Variants in NF1 observed in about 807,000 individuals in gnomAD.
NF1 encodes neurofibromin.
A neutral mutation model predicts 325.7 loss-of-function variants in NF1; 122 were observed. That is an observed-to-expected ratio of 0.37 (90% CI 0.32 to 0.44). The LOEUF (loss-of-function observed/expected upper bound fraction) is 0.44. NF1 is among the 20% of genes least tolerant of loss of function. The probability of loss-of-function intolerance (pLI) is 1.00; values close to 1 mark genes in which losing one functional copy is unlikely to be tolerated. For missense variants in NF1, 2,140 were observed against 3,415.4 expected (o/e 0.63, Z 9.31); for synonymous variants, 1,091 against 1,186.0 (o/e 0.92, Z 1.65).
At chr17:31,269,834 C>G (rs1041409260) in intron 36 of NF1, among the ~76,000 whole-genome samples, 3 of 152,156 alleles carry the variant, frequency 2.0e-5, no homozygotes, top group African/African-American at 7.2e-5. Context: ...ACATGCCATT[C>G]CTAAGGCAGT....
chr17:31,208,619 G>A (rs563390612), intron 12 of NF1, among the ~76,000 whole-genome samples: 6 of 152,244 alleles, frequency 3.9e-5, no homozygotes, highest in African/African-American at 1.2e-4. Context: ...CACCGGACAC[G>A]GTGGCTAACG....
rs1178560430 is a variant in NF1, at chr17:31,226,644, A to G, written c.2211A>G (p.Thr737=). The change falls in exon 18 of 58, where the codon ACA becomes ACG. Residue 737 remains threonine, a synonymous_variant. Coordinates refer to ENST00000358273, the MANE Select transcript of NF1 (RefSeq NM_001042492.3). The part of the protein sequence containing the change: ...SVHNLLPNYN[T]FMEFASVSNM... ...ATAACCTCTTGCCCAACTATAACACATTCATGGAGTTTGCCTCTGTCAGCA... is the reference window on the plus strand; with the variant it reads ...ATAACCTCTTGCCCAACTATAACACGTTCATGGAGTTTGCCTCTGTCAGCA... 1.9e-6 allele frequency: 3 copies of G among 1,613,708 alleles called. No individual in the cohort carries two copies. Among genetic ancestry groups the G allele is most frequent in the Non-Finnish European group, 2.5e-6 (3 of 1,179,776 alleles).
At chr17:31,276,623 T>G (rs1387943305) in intron 36 of NF1, among the ~76,000 whole-genome samples, 1 of 152,208 alleles carries the variant, frequency 6.6e-6, no homozygotes, top group South Asian at 2.1e-4. Flanking sequence ...GTGTGGATAT[T>G]AATGTTGCGC....
chr17:31,258,192 A>G, intron 31 of NF1, 152 bp from the exon 32 acceptor site: 1 of 755,436 alleles, frequency 1.3e-6, no homozygotes, highest in Non-Finnish European at 2.2e-6. Context: ...TTATTTTCTC[A>G]TGTTTTGGGA....
In NF1 at chr17:31,254,665, TTTTCTAGCC is replaced by T. The variant is rs142633975; in HGVS notation, c.4173+1672_4173+1680del. On this transcript the variant is annotated intron_variant, in intron 31 of 57. Transcript: ENST00000358273. ...GCTTTCTGTGTTTCTCTAGAGCATG[TTTTCTAGCC>T]TTTCTAACACTGCTTTATTTATTAA... Among the ~76,000 whole-genome samples the T allele has an allele frequency of 7.8e-3, 1,194 of 152,312 alleles. 20 individuals are homozygous for T. Among genetic ancestry groups the T allele is most frequent in the African/African-American group, 0.027 (1,143 of 41,576 alleles).
intron 35 of NF1, among the ~76,000 whole-genome samples, chr17:31,263,671 C>G (rs1276930234): frequency 1.3e-5 from 2 of 151,280 alleles, no homozygotes; most frequent in Non-Finnish European, 2.9e-5. Context: ...ATATAATATA[C>G]TTAGCATAGT....
chr17:31,330,144 A>G (rs1187779671), intron 38 of NF1, 152 bp from the exon 39 acceptor site: 5 of 711,708 alleles, frequency 7.0e-6, no homozygotes, highest in East Asian at 5.4e-5. Flanking sequence ...GTTTTACTGT[A>G]GAATTATAAC....
intron 33 of NF1, among the ~76,000 whole-genome samples, chr17:31,259,612 G>C (rs2067649036): frequency 6.6e-6 from 1 of 152,050 alleles, no homozygotes; most frequent in Non-Finnish European, 1.5e-5. Flanking sequence ...TGAACTTTAT[G>C]ATTTTAGAAA....
intron 57 of NF1, among the ~76,000 whole-genome samples, chr17:31,371,385 T>C (rs1345072778): frequency 6.6e-6 from 1 of 151,572 alleles, no homozygotes; most frequent in Non-Finnish European, 1.5e-5. Flanking sequence ...GAAAAAAAAA[T>C]ATGGGTTGAA....
intron 1 of NF1, among the ~76,000 whole-genome samples, chr17:31,138,797 T>G (rs1349171330): frequency 1.3e-5 from 2 of 151,434 alleles, no homozygotes; most frequent in Admixed American, 1.3e-4. Context: ...TTAGCCAGGA[T>G]GGTCTCAATC....
At chr17:31,286,261 AT>A (rs2068224675) in intron 36 of NF1, among the ~76,000 whole-genome samples, 1 of 151,958 alleles carries the variant, frequency 6.6e-6, no homozygotes. Flanking sequence ...CACCCGGCTA[AT>A]TTTTGTATTT....
At chr17:31,289,308 A>T (rs1261082594) in intron 36 of NF1, among the ~76,000 whole-genome samples, 1 of 152,220 alleles carries the variant, frequency 6.6e-6, no homozygotes, top group Non-Finnish European at 1.5e-5. Flanking sequence ...GGCCCTGATC[A>T]TGCAGTAAAC....
chr17:31,231,534 T>C (rs2067112456), intron 24 of NF1, among the ~76,000 whole-genome samples: 1 of 152,174 alleles, frequency 6.6e-6, no homozygotes, highest in South Asian at 2.1e-4. Flanking sequence ...CCACAGATGC[T>C]CAAGTCCCTG....
intron 16 of NF1, 32 bp from the exon 17 acceptor site, chr17:31,225,063 T>G (rs2066988332): frequency 6.2e-7 from 1 of 1,611,210 alleles, no homozygotes; most frequent in Non-Finnish European, 8.5e-7. Flanking sequence ...TGTCAGTGCT[T>G]CAGTAAAGCT....
At chr17:31,361,321 A>G (rs1372806635) in intron 57 of NF1, 1 of 152,760 alleles carries the variant, frequency 6.5e-6, no homozygotes, top group Non-Finnish European at 1.5e-5. Flanking sequence ...AAATACTAAT[A>G]GCTAATAGCT....
At chr17:31,153,535 T>C (rs1420030415) in intron 1 of NF1, among the ~76,000 whole-genome samples, 1 of 152,252 alleles carries the variant, frequency 6.6e-6, no homozygotes, top group Non-Finnish European at 1.5e-5. Context: ...AAGGATGCAG[T>C]ACATTGGGAA....
chr17:31,239,831 T>C (rs1201119236), intron 29 of NF1, among the ~76,000 whole-genome samples: 2 of 152,162 alleles, frequency 1.3e-5, no homozygotes, highest in Non-Finnish European at 2.9e-5. Flanking sequence ...GGTGCTATCT[T>C]GGCTCACTGC....
chr17:31,161,831 T>TC, intron 3 of NF1, among the ~76,000 whole-genome samples: 1 of 151,818 alleles, frequency 6.6e-6, no homozygotes, highest in East Asian at 1.9e-4. Flanking sequence ...AGGTCAGGAA[T>TC]CCAAGACCAG....
chr17:31,243,133 T>C (rs2067329206), intron 29 of NF1, among the ~76,000 whole-genome samples: 4 of 151,252 alleles, frequency 2.6e-5, no homozygotes, highest in African/African-American at 7.3e-5. Flanking sequence ...TGTTCTCTTC[T>C]TCTCTTCCCT....
Sources: allele counts gnomAD v4.1 joint callset (sites outside exome capture counted in the v4.1 genomes callset), GRCh38; gene constraint gnomAD v4.1.1; transcripts MANE v1.5; gene names NCBI Gene and HGNC (gene_info 2026-07-23, HGNC 2026-07-21).